Variants in UBOX5 observed in about 807,000 individuals in gnomAD.
UBOX5 encodes RING finger protein 37.
UBOX5 carries 28 observed loss-of-function variants against 39.0 expected under a neutral mutation model. That is an observed-to-expected ratio of 0.72 (90% CI 0.53 to 0.98). UBOX5 has a LOEUF of 0.98. UBOX5 is among the 50% of genes least tolerant of loss of function. The pLI is 0.00. For synonymous variants in UBOX5, 283 were observed against 275.5 expected (o/e 1.03, Z -0.27); for missense variants, 585 against 674.4 (o/e 0.87, Z 1.47).
At chr20:3,113,396 G>A (rs1253792678) in intron 4 of UBOX5, among the ~76,000 whole-genome samples, 1 of 152,072 alleles carries the variant, frequency 6.6e-6, no homozygotes, top group Non-Finnish European at 1.5e-5. Context: ...CTCAGAGGGA[G>A]TAGGAGTTGA....
chr20:3,156,963 TA>T (rs1344690401), intron 1 of UBOX5, among the ~76,000 whole-genome samples: 9 of 152,012 alleles, frequency 5.9e-5, no homozygotes, highest in African/African-American at 2.2e-4. Context: ...CCTTAAGAAT[TA>T]AAAAGGCAAA....
intron 1 of UBOX5, chr20:3,147,238 T>G (rs1387646818): frequency 6.2e-7 from 1 of 1,614,226 alleles, no homozygotes; most frequent in Non-Finnish European, 8.5e-7. Flanking sequence ...TGGCTACATT[T>G]TCAGCCGGCG....
At chr20:3,133,093 A>G in intron 1 of UBOX5, among the ~76,000 whole-genome samples, 1 of 152,218 alleles carries the variant, frequency 6.6e-6, no homozygotes, top group East Asian at 1.9e-4. Context: ...GGAGAATGGC[A>G]GATCTTTTTT....
chr20:3,113,597 G>A (rs1321163858), intron 4 of UBOX5, among the ~76,000 whole-genome samples: 1 of 152,138 alleles, frequency 6.6e-6, no homozygotes, highest in African/African-American at 2.4e-5. Context: ...GCCAGGGGAG[G>A]GGCCACAGAA....
At chr20:3,138,160 C>T (rs549707371) in intron 1 of UBOX5, among the ~76,000 whole-genome samples, 2 of 151,912 alleles carry the variant, frequency 1.3e-5, no homozygotes, top group African/African-American at 2.4e-5. Flanking sequence ...GTAGTCCCAG[C>T]TACTCAGGAG....
At chr20:3,147,956 T>C (rs1236318990) in intron 1 of UBOX5, 4 of 1,614,072 alleles carry the variant, frequency 2.5e-6, no homozygotes, top group Non-Finnish European at 3.4e-6. Flanking sequence ...CTTCATGAAA[T>C]TGATGTGATC....
chr20:3,118,687 G>A lies in UBOX5; in HGVS notation c.1255+2697C>T, dbSNP rs541533072. ...CTCAGGAGGCTGAGGCAGGAGAATG[G>A]CGTGAACCAGGGAGGCGGAGCTGGC... On this transcript the variant is annotated intron_variant, in intron 3 of 4. Transcript: ENST00000217173. Among the ~76,000 whole-genome samples, 6 of 152,078 alleles carry A rather than the reference G, an allele frequency of 3.9e-5. No homozygotes were observed. In the East Asian group the frequency reaches 1.2e-3, roughly 29 times the overall value.
chr20:3,138,204 C>T (rs1402312373), intron 1 of UBOX5, among the ~76,000 whole-genome samples: 2 of 149,730 alleles, frequency 1.3e-5, no homozygotes, highest in South Asian at 2.1e-4. Flanking sequence ...ACCTGGGAGG[C>T]GGAGGTTGCA....
chr20:3,150,763 G>C (rs1345540913), intron 1 of UBOX5: 1 of 152,158 alleles, frequency 6.6e-6, no homozygotes, highest in African/African-American at 2.4e-5. Context: ...TGTTCCAGTA[G>C]CCCAGCTACA....
At chr20:3,154,617 A>G (rs2066665550) in intron 1 of UBOX5, among the ~76,000 whole-genome samples, 1 of 152,184 alleles carries the variant, frequency 6.6e-6, no homozygotes, top group African/African-American at 2.4e-5. Context: ...CAAAAAGTTA[A>G]GGCTGCAGTG....
intron 1 of UBOX5, among the ~76,000 whole-genome samples, chr20:3,154,792 A>G (rs990474315): frequency 6.6e-6 from 1 of 152,194 alleles, no homozygotes; most frequent in Non-Finnish European, 1.5e-5. Flanking sequence ...TAGCCTAACC[A>G]AAAATTATGA....
At position 3,154,260 on chromosome 20, in the gene UBOX5, G is replaced by A. The variant is rs1198839403; in HGVS notation, c.-42+5506C>T. On this transcript the variant is annotated intron_variant, in intron 1 of 4. Coordinates refer to ENST00000217173, the MANE Select transcript of UBOX5 (RefSeq NM_014948.4). ...GACGACATAGACAGTACCCAGGAGA[G>A]GAGAATCATACTTCTACCGGATAAT... Among the ~76,000 whole-genome samples, 8 of 152,326 alleles carry A rather than the reference G, an allele frequency of 5.3e-5. No homozygotes were observed. The East Asian group carries it at 1.3e-3, about 26-fold the overall frequency.
intron 1 of UBOX5, chr20:3,148,624 G>A (rs1390304463): frequency 6.2e-7 from 1 of 1,614,156 alleles, no homozygotes; most frequent in Non-Finnish European, 8.5e-7. Flanking sequence ...CTCTGACTTT[G>A]TGCAAAATTA....
chr20:3,144,020 T>C (rs1244583690), intron 1 of UBOX5, among the ~76,000 whole-genome samples: 5 of 152,194 alleles, frequency 3.3e-5, no homozygotes, highest in African/African-American at 1.2e-4. Flanking sequence ...TATAAAACAT[T>C]CCTGAATTAA....
rs753821775 is a variant in UBOX5, at chr20:3,110,327, G to A, written c.1418-13C>T. The A allele has an allele frequency of 6.2e-7, 1 of 1,613,898 alleles. No individual in the cohort carries two copies. The highest frequency in any genetic ancestry group is 8.5e-7 in the Non-Finnish European group (1 of 1,179,890). Reference sequence around the variant, plus strand: ...CTCCCAGGCTGCTCTGGTAAATCAGGAAGGAAAACAGGCCAGGGTTAGGAA... The same window carrying A: ...CTCCCAGGCTGCTCTGGTAAATCAGAAAGGAAAACAGGCCAGGGTTAGGAA... On this transcript the variant is annotated splice_polypyrimidine_tract_variant and intron_variant, in intron 4 of 4. Coordinates refer to ENST00000217173, the MANE Select transcript of UBOX5 (RefSeq NM_014948.4).
intron 4 of UBOX5, among the ~76,000 whole-genome samples, chr20:3,114,720 C>A (rs112080146): frequency 0.072 from 10,956 of 152,232 alleles, 504 homozygotes; most frequent in Middle Eastern, 0.12. Context: ...GAGGCCGAGG[C>A]GGGCGGATCA....
rs376189157 is a variant in UBOX5, at chr20:3,122,048, C to T, written c.591G>A (p.Pro197=). The T allele has an allele frequency of 2.4e-5, 39 of 1,614,094 alleles. No individual in the cohort carries two copies. Among genetic ancestry groups the T allele is most frequent in the Non-Finnish European group, 3.0e-5 (35 of 1,180,052 alleles). Residue 197 remains proline (P), a synonymous_variant, in exon 3 of 5, where the codon CCG becomes CCA. Transcript: ENST00000217173. ...CIKRLEVWGQ[P]AKTCSQEVID... is the part of the protein sequence containing the mutation. ...TCACTTCCTGGGAGCAGGTCTTGGCCGGCTGACCCCACACTTCCAACCGCT... is the reference window on the plus strand; with the variant it reads ...TCACTTCCTGGGAGCAGGTCTTGGCTGGCTGACCCCACACTTCCAACCGCT...
At chr20:3,148,958 T>G (rs768262475) in intron 1 of UBOX5, 1 of 1,614,208 alleles carries the variant, frequency 6.2e-7, no homozygotes, top group South Asian at 1.1e-5. Context: ...CTGTCCCCCA[T>G]GCTGTGTGCT....
At chr20:3,139,311 GC>G (rs2066496829) in intron 1 of UBOX5, among the ~76,000 whole-genome samples, 1 of 152,184 alleles carries the variant, frequency 6.6e-6, no homozygotes. Context: ...ACCACGTGGA[GC>G]CAAGTCACCC....
Sources: gnomAD v4.1 joint callset for allele counts (sites outside exome capture counted in the v4.1 genomes callset) on GRCh38, gnomAD v4.1.1 for gene constraint, MANE v1.5 for transcripts, NCBI Gene and HGNC (gene_info 2026-07-23, HGNC 2026-07-21) for gene names.